INSL6: variants seen among roughly 807,000 people sequenced by gnomAD.
INSL6 encodes the protein insulin-like peptide INSL6.
In INSL6, 16 loss-of-function variants were observed where a neutral mutation model predicts 9.4. That is an observed-to-expected ratio of 1.70 (90% CI 1.15 to 2.59). INSL6 has a LOEUF of 2.59. Among genes scored for constraint, INSL6 ranks in the 30% most tolerant of loss-of-function variants. INSL6 has a pLI of 0.00. For missense variants in INSL6, 391 were observed against 257.3 expected, an observed-to-expected ratio of 1.52 and a Z score of -3.56; for synonymous variants, 154 against 96.9, an observed-to-expected ratio of 1.59 and a Z score of -3.46.
chr9:5,088,207 C>G, the INSL6 span, among the ~76,000 whole-genome samples: 2 of 152,154 alleles, frequency 1.3e-5, no homozygotes, highest in Non-Finnish European at 1.5e-5. Flanking sequence ...TAGTTCCAAT[C>G]TGACTTGAGA....
chr9:5,182,130 T>C (rs1453864682), intron 1 of INSL6, among the ~76,000 whole-genome samples: 2 of 152,168 alleles, frequency 1.3e-5, no homozygotes, highest in African/African-American at 4.8e-5. Flanking sequence ...ATGGCAGTGT[T>C]ATCTGTAGTG....
chr9:5,087,188 T>A, the INSL6 span, among the ~76,000 whole-genome samples: 1 of 152,184 alleles, frequency 6.6e-6, no homozygotes. Flanking sequence ...GGAAAGAGGT[T>A]TAATTGACTG....
At chr9:4,992,089 G>A in the INSL6 span, among the ~76,000 whole-genome samples, 4 of 152,206 alleles carry the variant, frequency 2.6e-5, no homozygotes, top group Admixed American at 2.6e-4. Flanking sequence ...ACTAGGACAT[G>A]AGTTGGGAAG....
chr9:4,993,075 T>G, the INSL6 span, among the ~76,000 whole-genome samples: 2 of 152,182 alleles, frequency 1.3e-5, no homozygotes, highest in African/African-American at 4.8e-5. Context: ...ATAGCAACTG[T>G]CCCTTTCATT....
chr9:5,050,893 A>G, the INSL6 span: 2 of 1,414,124 alleles, frequency 1.4e-6, no homozygotes, highest in Non-Finnish European at 2.0e-6. Context: ...TAATTCGTAT[A>G]TATTTTCTGT....
chr9:5,169,884 C>G (rs138891233), intron 1 of INSL6, among the ~76,000 whole-genome samples: 2 of 152,150 alleles, frequency 1.3e-5, no homozygotes, highest in African/African-American at 4.8e-5. Context: ...TAGAGACCTA[C>G]GAAGAGACTT....
At chr9:5,174,146 G>C (rs1825246547) in intron 1 of INSL6, among the ~76,000 whole-genome samples, 1 of 152,032 alleles carries the variant, frequency 6.6e-6, no homozygotes, top group South Asian at 2.1e-4. Flanking sequence ...AACTTCTATT[G>C]AATCACTCTT....
chr9:5,095,862 TACC>T, the INSL6 span, among the ~76,000 whole-genome samples: 7 of 152,194 alleles, frequency 4.6e-5, no homozygotes, highest in South Asian at 1.2e-3. Flanking sequence ...TTTTAACAAC[TACC>T]ACATTTCTAG....
At chr9:5,041,440 C>T in the INSL6 span, 3 of 620,686 alleles carry the variant, frequency 4.8e-6, no homozygotes, top group Non-Finnish European at 9.2e-6. Flanking sequence ...ACTTCCTGTG[C>T]AGCAGCCTCC....
intron 1 of INSL6, among the ~76,000 whole-genome samples, chr9:5,182,051 C>A (rs144699308): frequency 1.3e-5 from 2 of 152,292 alleles, no homozygotes; most frequent in African/African-American, 2.4e-5. Flanking sequence ...CATGACACAG[C>A]AATTCCACTC....
At chr9:5,155,613 T>G (rs7023151) in intron 2 of INSL6, among the ~76,000 whole-genome samples, 12,927 of 151,408 alleles carry the variant, frequency 0.085, 1,669 homozygotes, top group African/African-American at 0.28. Flanking sequence ...GTTCAAGTCC[T>G]TTGCAGGGAC....
intron 3 of INSL6, chr9:5,127,466 GA>G: frequency 4.3e-6 from 1 of 231,262 alleles, no homozygotes. Flanking sequence ...AAATTTCCCT[GA>G]CCCTAAATAA....
At chr9:5,077,495 C>A in the INSL6 span, 1 of 1,395,962 alleles carries the variant, frequency 7.2e-7, no homozygotes, top group Non-Finnish European at 9.6e-7. Flanking sequence ...TCACTAGATA[C>A]ATATCTGAAA....
the INSL6 span, among the ~76,000 whole-genome samples, chr9:4,993,330 C>T: frequency 6.6e-6 from 1 of 152,182 alleles, no homozygotes. Flanking sequence ...GATCTTTGCT[C>T]TGAGGCCCTT....
intron 3 of INSL6, among the ~76,000 whole-genome samples, chr9:5,124,572 G>C (rs1009037303): frequency 2.6e-5 from 4 of 151,680 alleles, no homozygotes; most frequent in Admixed American, 2.0e-4. Flanking sequence ...AAAATTCATA[G>C]GGAACCAAAA....
the INSL6 span, among the ~76,000 whole-genome samples, chr9:5,096,432 C>T: frequency 6.6e-6 from 1 of 152,086 alleles, no homozygotes; most frequent in Admixed American, 6.6e-5. Context: ...AATTCAAACC[C>T]ACAAAAATTT....
the INSL6 span, among the ~76,000 whole-genome samples, chr9:5,063,096 CTT>C: frequency 1.3e-5 from 2 of 151,922 alleles, no homozygotes; most frequent in African/African-American, 4.8e-5. Context: ...ATGCTTGTCT[CTT>C]TATTATAATT....
At chr9:5,061,040 T>C in the INSL6 span, among the ~76,000 whole-genome samples, 1 of 152,200 alleles carries the variant, frequency 6.6e-6, no homozygotes, top group Non-Finnish European at 1.5e-5. Context: ...GAAAGCAATC[T>C]TTTTTTCTGA....
intron 2 of INSL6, among the ~76,000 whole-genome samples, chr9:5,147,139 C>T (rs1824615413): frequency 6.6e-6 from 1 of 152,142 alleles, no homozygotes; most frequent in African/African-American, 2.4e-5. Flanking sequence ...TTAGTTGCTG[C>T]TCTACCACTC....
Sources: gnomAD v4.1 joint callset for allele counts (sites outside exome capture counted in the v4.1 genomes callset) on GRCh38, gnomAD v4.1.1 for gene constraint, MANE v1.5 for transcripts, NCBI Gene and HGNC (gene_info 2026-07-23, HGNC 2026-07-21) for gene names.